The following CCDC7 variants were observed in gnomAD, a reference collection of about 807,000 sequenced individuals.
CCDC7 encodes the protein coiled-coil domain-containing protein 7.
A neutral mutation model predicts 196.9 loss-of-function variants in CCDC7; 183 were observed. That is an observed-to-expected ratio of 0.93 (90% CI 0.82 to 1.05). The LOEUF (loss-of-function observed/expected upper bound fraction) is 1.05. Ranked by LOEUF, CCDC7 falls within the 50% of genes least tolerant of loss-of-function variation. The pLI is 0.00. For synonymous variants in CCDC7, 525 were observed against 484.6 expected (o/e 1.08, Z -1.10); for missense variants, 1,540 against 1,482.2 (o/e 1.04, Z -0.64).
rs2092542332 is a variant in CCDC7, at chr10:32,835,636, G to C, written c.3352+738G>C. On this transcript the variant is annotated intron_variant, in intron 33 of 41. Coordinates refer to ENST00000639629, the Ensembl canonical transcript of CCDC7. ...CCTATAAATGGGAGCTAAATGATGAGAGCATATGGACACATGGAGGGGAAC... is the reference window on the plus strand; with the variant it reads ...CCTATAAATGGGAGCTAAATGATGACAGCATATGGACACATGGAGGGGAAC... 1.3e-5 allele frequency among the ~76,000 whole-genome samples: 2 copies of C among 152,058 alleles called. 1 individual carries two copies. The highest frequency in any genetic ancestry group is 3.9e-4 in the East Asian group (2 of 5,192).
chr10:32,790,156 T>C (rs1419177535), intron 29 of CCDC7, among the ~76,000 whole-genome samples: 1 of 152,090 alleles, frequency 6.6e-6, no homozygotes, highest in Non-Finnish European at 1.5e-5. Context: ...TTTTGAAATC[T>C]CATGGCCAGC....
chr10:32,637,735 A>C (rs1480378539), intron 20 of CCDC7, among the ~76,000 whole-genome samples: 1 of 152,100 alleles, frequency 6.6e-6, no homozygotes, highest in Non-Finnish European at 1.5e-5. Context: ...TTCCATATGA[A>C]CTTTAAAGTA....
chr10:32,568,820 T>C (rs548475033), intron 15 of CCDC7, among the ~76,000 whole-genome samples: 2 of 152,334 alleles, frequency 1.3e-5, no homozygotes, highest in East Asian at 3.9e-4. Flanking sequence ...TTTAAAAAAT[T>C]AGCCATGCCG....
chr10:32,592,561 T>A (rs1256811146), intron 18 of CCDC7, among the ~76,000 whole-genome samples: 6 of 152,240 alleles, frequency 3.9e-5, no homozygotes, highest in East Asian at 1.9e-4. Flanking sequence ...ATATATTTTT[T>A]AATTTTACTT....
chr10:32,451,497 A>C, upstream of CCDC7: 1 of 1,209,454 alleles, frequency 8.3e-7, no homozygotes, highest in Non-Finnish European at 1.1e-6. Context: ...ATGTACTCTG[A>C]GCAAATTGCT....
intron 11 of CCDC7, among the ~76,000 whole-genome samples, chr10:32,521,989 A>G (rs1431109205): frequency 6.6e-6 from 1 of 152,174 alleles, no homozygotes; most frequent in Non-Finnish European, 1.5e-5. Flanking sequence ...GTCTGTTAAT[A>G]TGATGTATCA....
chr10:32,571,751 C>T (rs546458454), intron 15 of CCDC7, 108 bp from the exon 17 acceptor site: 79 of 1,049,892 alleles, frequency 7.5e-5, no homozygotes, highest in Admixed American at 6.4e-4. Context: ...CTTAATCTTA[C>T]GAAATTGTCA....
exon 33 of CCDC7, chr10:32,834,877 A>T (rs1180319668): frequency 4.8e-6 from 7 of 1,444,324 alleles, no homozygotes; most frequent in South Asian, 1.2e-5. Context: ...TCTAATCAAC[A>T]TACAGTCAAA....
intron 18 of CCDC7, among the ~76,000 whole-genome samples, chr10:32,597,870 G>A (rs533274817): frequency 6.6e-5 from 10 of 152,290 alleles, no homozygotes; most frequent in African/African-American, 2.4e-5. Flanking sequence ...TGGAAGCTTC[G>A]TCTCAGAGGG....
At chr10:32,691,648 A>G (rs1345035775) in intron 23 of CCDC7, among the ~76,000 whole-genome samples, 2 of 152,244 alleles carry the variant, frequency 1.3e-5, no homozygotes, top group African/African-American at 4.8e-5. Context: ...TCACTCCATC[A>G]GTGATCTTAG....
chr10:32,563,261 G>A (rs1046430392), intron 13 of CCDC7, among the ~76,000 whole-genome samples: 4 of 152,076 alleles, frequency 2.6e-5, no homozygotes, highest in African/African-American at 9.7e-5. Flanking sequence ...TCCCCATCCA[G>A]CTACCAATGA....
At chr10:32,734,862 C>A (rs575810648) in intron 28 of CCDC7, among the ~76,000 whole-genome samples, 1 of 151,674 alleles carries the variant, frequency 6.6e-6, no homozygotes, top group African/African-American at 2.4e-5. Flanking sequence ...TGTGCCACTG[C>A]GCTCCAGCCT....
chr10:32,706,885 A>T (rs2079866183), intron 24 of CCDC7, among the ~76,000 whole-genome samples: 1 of 152,260 alleles, frequency 6.6e-6, no homozygotes, highest in Non-Finnish European at 1.5e-5. Context: ...GAATTCTACC[A>T]GAGGTACAAA....
chr10:32,697,566 T>C (rs1281928472), intron 24 of CCDC7, among the ~76,000 whole-genome samples: 2 of 152,160 alleles, frequency 1.3e-5, no homozygotes, highest in East Asian at 3.9e-4. Flanking sequence ...GGAGCCTTGC[T>C]CACTGCTAGC....
At chr10:32,697,757 A>C (rs1029172092) in intron 24 of CCDC7, among the ~76,000 whole-genome samples, 13 of 152,200 alleles carry the variant, frequency 8.5e-5, no homozygotes, top group Non-Finnish European at 1.9e-4. Flanking sequence ...GGCATAGCTG[A>C]ACAAAAGGCA....
At chr10:32,681,155 C>G (rs1447397233) in intron 21 of CCDC7, among the ~76,000 whole-genome samples, 1 of 152,098 alleles carries the variant, frequency 6.6e-6, no homozygotes, top group African/African-American at 2.4e-5. Context: ...TTTTTCATCA[C>G]TCTCTCAGCT....
At chr10:32,825,429 C>T (rs753343194) in intron 32 of CCDC7, among the ~76,000 whole-genome samples, 4 of 152,196 alleles carry the variant, frequency 2.6e-5, no homozygotes, top group East Asian at 3.9e-4. Context: ...AAAGACTAGA[C>T]TGGCCTAGCC....
chr10:32,514,802 T>C (rs1434311717), intron 9 of CCDC7, among the ~76,000 whole-genome samples: 1 of 152,204 alleles, frequency 6.6e-6, no homozygotes, highest in East Asian at 1.9e-4. Context: ...TATCTCATCT[T>C]CATAGACTGT....
intron 41 of CCDC7, among the ~76,000 whole-genome samples, chr10:32,859,578 C>G (rs997877537): frequency 6.6e-6 from 1 of 151,872 alleles, no homozygotes; most frequent in Non-Finnish European, 1.5e-5. Flanking sequence ...CAGAGCAGAA[C>G]TGAAGGAGAG....
Sources: allele counts gnomAD v4.1 joint callset (sites outside exome capture counted in the v4.1 genomes callset), GRCh38; gene constraint gnomAD v4.1.1; transcripts MANE v1.5; gene names NCBI Gene and HGNC (gene_info 2026-07-23, HGNC 2026-07-21).